NTN1: variants seen among roughly 807,000 people sequenced by gnomAD.
NTN1 encodes netrin 1.
Under a neutral mutation model 54.2 loss-of-function variants are expected in NTN1, and 11 were observed. The observed-to-expected ratio is 0.20, with a 90% CI of 0.13 to 0.34. NTN1 has a LOEUF of 0.34. NTN1 is among the 10% of genes least tolerant of loss of function. The pLI is 1.00. For synonymous variants in NTN1, 371 were observed against 382.0 expected (o/e 0.97, Z 0.33); for missense variants, 740 against 893.1 (o/e 0.83, Z 2.18).
chr17:9,138,625 T>C (rs2092288415), intron 2 of NTN1, among the ~76,000 whole-genome samples: 1 of 152,066 alleles, frequency 6.6e-6, no homozygotes, highest in Admixed American at 6.5e-5. Flanking sequence ...ACCTACTTAT[T>C]GGGTGTGCTG....
chr17:9,113,073 G>T (rs1162466476), intron 2 of NTN1, among the ~76,000 whole-genome samples: 3 of 150,560 alleles, frequency 2.0e-5, no homozygotes, highest in African/African-American at 7.4e-5. Flanking sequence ...GCCCAGGCTG[G>T]AGTGTAGTGG....
intron 2 of NTN1, among the ~76,000 whole-genome samples, chr17:9,111,907 C>T (rs924170445): frequency 1.3e-5 from 2 of 152,160 alleles, no homozygotes; most frequent in Non-Finnish European, 2.9e-5. Flanking sequence ...GGCAGAGGCA[C>T]CTGTAAATGG....
intron 4 of NTN1, among the ~76,000 whole-genome samples, chr17:9,182,092 C>T (rs1309448421): frequency 2.0e-5 from 3 of 152,230 alleles, no homozygotes; most frequent in Admixed American, 2.0e-4. Context: ...ATCCCCCTGC[C>T]TCAGCCTCCT....
At chr17:9,048,420 A>G (rs934467179) in intron 2 of NTN1, among the ~76,000 whole-genome samples, 4 of 151,774 alleles carry the variant, frequency 2.6e-5, no homozygotes, top group African/African-American at 7.3e-5. Flanking sequence ...TTGTTGTTCC[A>G]TTTATAGGGC....
At chr17:9,109,384 A>G (rs2091317) in intron 2 of NTN1, among the ~76,000 whole-genome samples, 109,963 of 152,108 alleles carry the variant, frequency 0.72, 40,002 homozygotes, top group East Asian at 0.95. Context: ...TACTTTATCT[A>G]AGTGATATTT....
intron 2 of NTN1, among the ~76,000 whole-genome samples, chr17:9,044,424 G>A (rs1341067998): frequency 6.6e-6 from 1 of 151,722 alleles, no homozygotes; most frequent in Non-Finnish European, 1.5e-5. Flanking sequence ...TAGTAGAGAC[G>A]GGGTTTCACC....
Position 9,242,920 on chromosome 17 carries a change from G to GGATGTAAAACGGAACTAGA in NTN1, c.*2953_*2971dup, listed in dbSNP as rs1282245406. 2.6e-4 allele frequency: 40 copies of GGATGTAAAACGGAACTAGA among 152,242 alleles called. No individual in the cohort carries two copies. The highest frequency in any genetic ancestry group is 9.2e-4 in the African/African-American group (38 of 41,476). The allele number at this position is 152,242 out of a possible 1,614,324, so 9.4% of individuals were successfully genotyped here. A position where few individuals can be genotyped will look rare whatever the true frequency, so the allele number is the denominator to read the frequency against. On this transcript the variant is annotated 3_prime_UTR_variant, in exon 7 of 7. Transcript: ENST00000173229. ...TGTCCCGGTTTGTACAGTTAGGAAG[G>GGATGTAAAACGGAACTAGA]GATGTAAAACGGAACTAGATTTTGA...
At chr17:9,008,682 T>C in the NTN1 span, among the ~76,000 whole-genome samples, 1 of 152,328 alleles carries the variant, frequency 6.6e-6, no homozygotes, top group African/African-American at 2.4e-5. Flanking sequence ...GTCTTCTGCA[T>C]ATGGTTTTTT....
At chr17:9,147,571 C>T (rs2092317457) in intron 2 of NTN1, among the ~76,000 whole-genome samples, 3 of 152,192 alleles carry the variant, frequency 2.0e-5, no homozygotes, top group Admixed American at 2.0e-4. Flanking sequence ...TCTGACATCC[C>T]AGAGGCAGGA....
At chr17:9,150,860 T>G (rs1468744079) in intron 2 of NTN1, among the ~76,000 whole-genome samples, 1 of 151,788 alleles carries the variant, frequency 6.6e-6, no homozygotes, top group Admixed American at 6.6e-5. Context: ...CGCTGTCCAC[T>G]GGGGAGGGGC....
chr17:9,191,145 A>AT (rs1463939423), intron 5 of NTN1, among the ~76,000 whole-genome samples: 1 of 152,216 alleles, frequency 6.6e-6, no homozygotes, highest in African/African-American at 2.4e-5. Flanking sequence ...GTCAAAAAGC[A>AT]TAAAAGGAAA....
chr17:9,022,753 A>G lies in NTN1; in HGVS notation c.380A>G (p.Gln127Arg), dbSNP rs2091856388. The change falls in exon 2 of 7, where the codon CAG becomes CGG. Residue 127 changes from glutamine to arginine, a missense_variant. Transcript: ENST00000173229. ...TGCTGGCAGTCCGAGAACTACCTGC[A>G]GTTCCCGCACAACGTCACGCTCACA... ...LTCWQSENYL[Q>R]FPHNVTLTLS... is the part of the protein sequence containing the mutation. 6.2e-7 allele frequency: 1 copy of G among 1,609,706 alleles called. No individual in the cohort carries two copies. Among genetic ancestry groups the G allele is most frequent in the Non-Finnish European group, 8.5e-7 (1 of 1,178,702 alleles).
intron 2 of NTN1, among the ~76,000 whole-genome samples, chr17:9,117,926 C>T (rs2092219692): frequency 6.6e-6 from 1 of 152,038 alleles, no homozygotes; most frequent in Non-Finnish European, 1.5e-5. Flanking sequence ...TTTTTGTCCC[C>T]CTCATGTTGG....
At chr17:9,136,222 C>T (rs1001369414) in intron 2 of NTN1, among the ~76,000 whole-genome samples, 1 of 152,216 alleles carries the variant, frequency 6.6e-6, no homozygotes, top group African/African-American at 2.4e-5. Context: ...CAAACGGAGC[C>T]TAGCTTTACT....
intron 2 of NTN1, among the ~76,000 whole-genome samples, chr17:9,064,426 C>T (rs948025703): frequency 1.3e-5 from 2 of 152,196 alleles, no homozygotes; most frequent in Admixed American, 6.5e-5. Flanking sequence ...TCAGACCCCA[C>T]AGCTCCCCAT....
chr17:9,072,315 G>C (rs547560511), intron 2 of NTN1, among the ~76,000 whole-genome samples: 10 of 150,660 alleles, frequency 6.6e-5, no homozygotes, highest in Non-Finnish European at 1.2e-4. Context: ...ACCATTGTTC[G>C]TGAGAATTCC....
At chr17:9,077,782 C>A (rs943540547) in intron 2 of NTN1, among the ~76,000 whole-genome samples, 8 of 152,118 alleles carry the variant, frequency 5.3e-5, no homozygotes, top group Non-Finnish European at 1.0e-4. Flanking sequence ...TTAAACGGGT[C>A]TCCACAACTT....
At chr17:9,094,291 GT>G (rs927340289) in intron 2 of NTN1, among the ~76,000 whole-genome samples, 11 of 152,008 alleles carry the variant, frequency 7.2e-5, no homozygotes, top group African/African-American at 1.7e-4. Context: ...GTTGTTTCCA[GT>G]TTTTTTCTAT....
chr17:9,038,265 C>CACACA (rs55982115), intron 2 of NTN1, among the ~76,000 whole-genome samples: 1 of 144,178 alleles, frequency 6.9e-6, no homozygotes, highest in African/African-American at 2.7e-5. Context: ...TTCTCTCTCT[C>CACACA]CACACACACA....
Sources: allele counts gnomAD v4.1 joint callset (sites outside exome capture counted in the v4.1 genomes callset), GRCh38; gene constraint gnomAD v4.1.1; transcripts MANE v1.5; gene names NCBI Gene and HGNC (gene_info 2026-07-23, HGNC 2026-07-21).